The following WDR70 variants were observed in gnomAD, a reference collection of about 807,000 sequenced individuals.
WDR70 encodes WD repeat-containing protein 70.
A neutral mutation model predicts 88.6 loss-of-function variants in WDR70; 53 were observed. The observed-to-expected ratio is 0.60, with a 90% CI of 0.48 to 0.75. The LOEUF (loss-of-function observed/expected upper bound fraction) is 0.75, where lower values mean the gene tolerates loss of function less well. WDR70 is among the 30% of genes least tolerant of loss of function. The pLI is 0.00. For synonymous variants in WDR70, 280 were observed against 270.0 expected, an observed-to-expected ratio of 1.04 and a Z score of -0.36; for missense variants, 610 against 823.2, an observed-to-expected ratio of 0.74 and a Z score of 3.17.
chr5:37,707,948 A>ATATAT (rs1747401553), intron 13 of WDR70, among the ~76,000 whole-genome samples: 1 of 33,776 alleles, frequency 3.0e-5, no homozygotes, highest in Admixed American at 6.6e-4. Flanking sequence ...AAAAAAAAAA[A>ATATAT]ATATATATAT....
At chr5:37,542,160 T>C (rs976775196) in intron 9 of WDR70, among the ~76,000 whole-genome samples, 2 of 152,208 alleles carry the variant, frequency 1.3e-5, no homozygotes, top group Non-Finnish European at 2.9e-5. Context: ...TCAACCATGA[T>C]TAGATGATTT....
chr5:37,499,974 G>T (rs1740355958), intron 8 of WDR70, among the ~76,000 whole-genome samples: 1 of 152,050 alleles, frequency 6.6e-6, no homozygotes, highest in Non-Finnish European at 1.5e-5. Flanking sequence ...AGCTTTTGGG[G>T]TACAAATGGT....
chr5:37,440,153 A>G lies in WDR70; in HGVS notation c.552+2172A>G, dbSNP rs1349705758. On this transcript the variant is annotated intron_variant, in intron 6 of 17. Transcript: ENST00000265107. ...TGTTTATTTTTTATATCTCTATAAG[A>G]TTTTGTGCTTTTTCTCCTTTTAGTG... Among the ~76,000 whole-genome samples the G allele has an allele frequency of 3.3e-5, 5 of 152,000 alleles. No individual in the cohort carries two copies. The East Asian group carries it at 9.6e-4, about 29-fold the overall frequency.
intron 7 of WDR70, among the ~76,000 whole-genome samples, chr5:37,466,082 A>T (rs1434866564): frequency 2.6e-5 from 4 of 152,140 alleles, no homozygotes; most frequent in Non-Finnish European, 5.9e-5. Flanking sequence ...ATTTTGGAGC[A>T]TGGTGAATAA....
intron 10 of WDR70, among the ~76,000 whole-genome samples, chr5:37,619,735 GTT>G (rs1432198268): frequency 6.6e-6 from 1 of 150,750 alleles, no homozygotes; most frequent in Non-Finnish European, 1.5e-5. Flanking sequence ...AGTCCTCCCT[GTT>G]TGGTTTTTTT....
intron 14 of WDR70, chr5:37,722,518 C>T: frequency 4.1e-6 from 1 of 244,024 alleles, no homozygotes; most frequent in Non-Finnish European, 8.0e-6. Context: ...AATTTTAACC[C>T]TGTGACCTTT....
chr5:37,603,540 C>A (rs1016793214), intron 9 of WDR70, among the ~76,000 whole-genome samples: 1 of 152,126 alleles, frequency 6.6e-6, no homozygotes, highest in Non-Finnish European at 1.5e-5. Flanking sequence ...TCCTGACATT[C>A]GTCTGGGCTT....
At chr5:37,572,278 G>A (rs891095113) in intron 9 of WDR70, among the ~76,000 whole-genome samples, 1 of 151,944 alleles carries the variant, frequency 6.6e-6, no homozygotes, top group Non-Finnish European at 1.5e-5. Flanking sequence ...TGTGACTGTT[G>A]TGGTGGGACT....
At chr5:37,464,760 G>C (rs1739106086) in intron 7 of WDR70, among the ~76,000 whole-genome samples, 1 of 152,330 alleles carries the variant, frequency 6.6e-6, no homozygotes, top group African/African-American at 2.4e-5. Context: ...GCTGACTGCT[G>C]TGCACTTCAG....
At chr5:37,748,467 A>G (rs950001337) in intron 17 of WDR70, among the ~76,000 whole-genome samples, 3 of 152,258 alleles carry the variant, frequency 2.0e-5, no homozygotes, top group Non-Finnish European at 2.9e-5. Flanking sequence ...TTAACTCAAG[A>G]TGGATTAAAG....
chr5:37,726,327 G>A (rs1354289631), intron 16 of WDR70, among the ~76,000 whole-genome samples: 3 of 151,982 alleles, frequency 2.0e-5, no homozygotes, highest in Non-Finnish European at 4.4e-5. Flanking sequence ...ATCTTTCTGA[G>A]TACCAGTCAC....
intron 15 of WDR70, chr5:37,723,620 G>T (rs2112699819): frequency 6.6e-6 from 1 of 152,390 alleles, no homozygotes; most frequent in Admixed American, 6.5e-5. Flanking sequence ...CTTTATCAGT[G>T]ACTCAGTCTG....
At chr5:37,551,796 G>A (rs1384256642) in intron 9 of WDR70, among the ~76,000 whole-genome samples, 3 of 122,328 alleles carry the variant, frequency 2.5e-5, no homozygotes, top group African/African-American at 3.3e-5. Context: ...TTTTTGAGAC[G>A]GAGTCTCACT....
intron 17 of WDR70, among the ~76,000 whole-genome samples, chr5:37,746,325 G>C (rs1299988541): frequency 1.3e-5 from 2 of 151,944 alleles, no homozygotes; most frequent in African/African-American, 2.4e-5. Context: ...TAGAAAGCTA[G>C]AAAGATCTCA....
chr5:37,626,767 A>G (rs532540238), intron 10 of WDR70, among the ~76,000 whole-genome samples: 1 of 152,246 alleles, frequency 6.6e-6, no homozygotes, highest in African/African-American at 2.4e-5. Flanking sequence ...TGTTGTTGAA[A>G]GACCTTTTAC....
intron 7 of WDR70, among the ~76,000 whole-genome samples, chr5:37,451,690 G>A (rs1179041592): frequency 6.6e-6 from 1 of 152,084 alleles, no homozygotes; most frequent in Non-Finnish European, 1.5e-5. Flanking sequence ...GTTTAATGCA[G>A]ATTTTTAAAT....
At chr5:37,477,624 G>A (rs1414349787) in intron 7 of WDR70, among the ~76,000 whole-genome samples, 1 of 152,050 alleles carries the variant, frequency 6.6e-6, no homozygotes, top group African/African-American at 2.4e-5. Flanking sequence ...CAGCCAAACT[G>A]GCCAAGTCAC....
chr5:37,534,592 G>A (rs534058731), intron 9 of WDR70, among the ~76,000 whole-genome samples: 2 of 148,960 alleles, frequency 1.3e-5, no homozygotes, highest in African/African-American at 2.5e-5. Context: ...CCGCCCCCTG[G>A]GTTCAAGCGA....
chr5:37,590,234 A>T (rs1743490032), intron 9 of WDR70, among the ~76,000 whole-genome samples: 3 of 152,154 alleles, frequency 2.0e-5, no homozygotes. Context: ...GTGACCATTT[A>T]ATTTATAGCA....
Sources: gnomAD v4.1 joint callset for allele counts (sites outside exome capture counted in the v4.1 genomes callset) on GRCh38, gnomAD v4.1.1 for gene constraint, MANE v1.5 for transcripts, NCBI Gene and HGNC (gene_info 2026-07-23, HGNC 2026-07-21) for gene names.